Variants in HIPK2 observed in about 807,000 individuals in gnomAD.
HIPK2 encodes the protein homeodomain interacting protein kinase 2, also known as homeodomain-interacting protein kinase 2.
A neutral mutation model predicts 113.7 loss-of-function variants in HIPK2; 27 were observed. That is an observed-to-expected ratio of 0.24 (90% CI 0.17 to 0.33). The LOEUF (loss-of-function observed/expected upper bound fraction) is 0.33. Among genes scored for constraint, HIPK2 ranks in the 10% least tolerant of loss-of-function variants. The pLI is 1.00. For synonymous variants in HIPK2, 631 were observed against 642.2 expected (o/e 0.98, Z 0.26); for missense variants, 1,257 against 1,588.0 (o/e 0.79, Z 3.54).
rs79865300 is a variant in HIPK2, at chr7:139,630,782, C to T, written c.1347+383G>A. Among the ~76,000 whole-genome samples the T allele has an allele frequency of 1.3e-5, 2 of 152,368 alleles. No individual in the cohort carries two copies. Among genetic ancestry groups the T allele is most frequent in the South Asian group, 2.1e-4 (1 of 4,834 alleles). On this transcript the variant is annotated intron_variant, in intron 4 of 14. Transcript: ENST00000406875. The surrounding 1 kb of genome is among the most constrained non-coding windows in gnomAD (Gnocchi z 4.0). ...AAATGCTCCTTCCTCTTGGCACCCACACCCATTCTTGACCAGGAACAGGGC... is the reference window on the plus strand; with the variant it reads ...AAATGCTCCTTCCTCTTGGCACCCATACCCATTCTTGACCAGGAACAGGGC...
rs1023249263 is a variant in HIPK2 at position 139,563,985 on chromosome 7, C to T, written c.*8942G>A. 2.5e-6 allele frequency: 1 copy of T among 398,544 alleles called. No individual in the cohort carries two copies. Among genetic ancestry groups the T allele is most frequent in the Non-Finnish European group, 4.4e-6 (1 of 226,064 alleles). The allele number at this position is 398,544 out of a possible 1,614,324, so 24.7% of individuals were successfully genotyped here. A position where few individuals can be genotyped will look rare whatever the true frequency, so the allele number is the denominator to read the frequency against. Reference sequence around the variant, plus strand: ...GCATGACAGTGGGGCCCATTCCTGTCTCGAAGCATCTTCTTGTTCCAAATA... The same window carrying T: ...GCATGACAGTGGGGCCCATTCCTGTTTCGAAGCATCTTCTTGTTCCAAATA... On this transcript the variant is annotated 3_prime_UTR_variant, in exon 15 of 15. Coordinates refer to ENST00000406875, the MANE Select transcript of HIPK2 (RefSeq NM_022740.5).
intron 1 of HIPK2, among the ~76,000 whole-genome samples, chr7:139,751,502 T>C (rs1410039006): frequency 5.3e-5 from 6 of 113,274 alleles, no homozygotes; most frequent in Non-Finnish European, 1.0e-4. Flanking sequence ...CTGGGACCTT[T>C]GGGGAAGGTT....
intron 14 of HIPK2, among the ~76,000 whole-genome samples, chr7:139,574,231 T>G (rs1798412575): frequency 6.6e-6 from 1 of 152,038 alleles, no homozygotes; most frequent in Non-Finnish European, 1.5e-5. Context: ...GAAAATTAGC[T>G]GGGTGTGGTG....
intron 2 of HIPK2, among the ~76,000 whole-genome samples, chr7:139,666,691 A>G (rs779280655): frequency 6.6e-6 from 1 of 152,206 alleles, no homozygotes; most frequent in Non-Finnish European, 1.5e-5. Context: ...AGTCCTCCAT[A>G]AAGTGCTGAT....
chr7:139,640,779 A>G (rs572342257), intron 2 of HIPK2, among the ~76,000 whole-genome samples: 207 of 152,010 alleles, frequency 1.4e-3, no homozygotes, highest in African/African-American at 4.9e-3. Flanking sequence ...CCTCCTGAGT[A>G]GCTGGGACCA....
intron 1 of HIPK2, among the ~76,000 whole-genome samples, chr7:139,767,148 A>C (rs888159454): frequency 2.7e-4 from 41 of 152,210 alleles, no homozygotes; most frequent in African/African-American, 9.7e-4. Context: ...TTTTGTTCTG[A>C]ATGTACTCTT....
At chr7:139,758,565 G>A (rs1009365143) in intron 1 of HIPK2, among the ~76,000 whole-genome samples, 1 of 152,148 alleles carries the variant, frequency 6.6e-6, no homozygotes, top group African/African-American at 2.4e-5. Context: ...AGTGGCAGGT[G>A]AGTGAGCATT....
At chr7:139,769,292 C>A (rs1421659467) in intron 1 of HIPK2, among the ~76,000 whole-genome samples, 3 of 151,778 alleles carry the variant, frequency 2.0e-5, no homozygotes, top group Non-Finnish European at 4.4e-5. Flanking sequence ...GCATGGCCCA[C>A]CTCCATCTCC....
chr7:139,729,324 T>TGA (rs71170912), intron 1 of HIPK2, among the ~76,000 whole-genome samples: 2,730 of 69,022 alleles, frequency 0.04, 153 homozygotes, highest in South Asian at 0.082. Context: ...ACCCTGTCTC[T>TGA]GAGAGAGAGA....
chr7:139,652,365 G>C (rs1229623538), intron 2 of HIPK2, among the ~76,000 whole-genome samples: 1 of 152,072 alleles, frequency 6.6e-6, no homozygotes, highest in Non-Finnish European at 1.5e-5. Flanking sequence ...CTGAGCTCGG[G>C]GACATGATTG....
At chr7:139,777,536 G>A (rs1585477264) in intron 1 of HIPK2, 69 bp downstream of exon 1, 4 of 734,618 alleles carry the variant, frequency 5.4e-6, no homozygotes, top group South Asian at 1.2e-4. Flanking sequence ...CGGGGCCGCG[G>A]GCAGAACAAA....
intron 9 of HIPK2, among the ~76,000 whole-genome samples, chr7:139,608,461 A>T (rs1287160831): frequency 6.6e-6 from 1 of 151,290 alleles, no homozygotes; most frequent in East Asian, 1.9e-4. Flanking sequence ...TTTTCCTATA[A>T]GTTTATGGTA....
intron 2 of HIPK2, among the ~76,000 whole-genome samples, chr7:139,695,116 T>C (rs1794525852): frequency 2.6e-5 from 4 of 152,206 alleles, no homozygotes; most frequent in Non-Finnish European, 5.9e-5. Context: ...TGTAGCTCAG[T>C]GCACGGACTT....
intron 2 of HIPK2, among the ~76,000 whole-genome samples, chr7:139,676,570 A>G (rs950960094): frequency 6.6e-6 from 1 of 152,192 alleles, no homozygotes; most frequent in African/African-American, 2.4e-5. Flanking sequence ...TGTGAGCACT[A>G]AGATCTAGTA....
intron 1 of HIPK2, among the ~76,000 whole-genome samples, chr7:139,751,261 C>T (rs1298676703): frequency 6.6e-6 from 1 of 152,174 alleles, no homozygotes; most frequent in East Asian, 1.9e-4. Context: ...GAAGCAGACA[C>T]TGTAAGTTGC....
intron 2 of HIPK2, among the ~76,000 whole-genome samples, chr7:139,633,899 C>T (rs565159704): frequency 7.9e-5 from 12 of 151,266 alleles, no homozygotes; most frequent in Non-Finnish European, 1.3e-4. Context: ...GAGCCGGGAT[C>T]GTGCCATTGT....
At chr7:139,702,915 T>C (rs1794755172) in intron 2 of HIPK2, among the ~76,000 whole-genome samples, 5 of 152,152 alleles carry the variant, frequency 3.3e-5, no homozygotes. Flanking sequence ...GCACATAAAC[T>C]AAAGAAACTG....
chr7:139,770,788 T>C (rs1796637165), intron 1 of HIPK2, among the ~76,000 whole-genome samples: 1 of 152,214 alleles, frequency 6.6e-6, no homozygotes, highest in African/African-American at 2.4e-5. Context: ...ATTTAATTGA[T>C]CAGAACCTAC....
At chr7:139,735,524 C>T (rs1282895575) in intron 1 of HIPK2, among the ~76,000 whole-genome samples, 2 of 152,208 alleles carry the variant, frequency 1.3e-5, no homozygotes, top group East Asian at 1.9e-4. Flanking sequence ...TGAGCACCTA[C>T]GATGTCCAAG....
Sources: gnomAD v4.1 joint callset for allele counts (sites outside exome capture counted in the v4.1 genomes callset) on GRCh38, gnomAD v4.1.1 for gene constraint, Gnocchi (gnomAD v3.1) non-coding constraint, MANE v1.5 for transcripts, NCBI Gene and HGNC (gene_info 2026-07-23, HGNC 2026-07-21) for gene names.